DNTTIP1: variants seen among roughly 807,000 people sequenced by gnomAD.
DNTTIP1 encodes the protein deoxynucleotidyltransferase terminal-interacting protein 1.
DNTTIP1 carries 22 observed loss-of-function variants against 52.9 expected under a neutral mutation model. The ratio of observed to expected loss-of-function variants is 0.42; its 90% CI spans 0.30 to 0.59. The LOEUF is 0.59. Ranked by LOEUF, DNTTIP1 falls within the 20% of genes least tolerant of loss-of-function variation. The probability of loss-of-function intolerance (pLI) is 0.22; values close to 1 mark genes in which losing one functional copy is unlikely to be tolerated. For missense variants in DNTTIP1, 286 were observed against 435.5 expected, an observed-to-expected ratio of 0.66 and a Z score of 3.06; for synonymous variants, 136 against 155.1, an observed-to-expected ratio of 0.88 and a Z score of 0.92.
At chr20:45,796,127 G>A (rs983478312) in intron 4 of DNTTIP1, among the ~76,000 whole-genome samples, 2 of 152,062 alleles carry the variant, frequency 1.3e-5, no homozygotes, top group African/African-American at 4.8e-5. Context: ...GTTATAAGAT[G>A]AACAAGTTCT....
intron 4 of DNTTIP1, among the ~76,000 whole-genome samples, chr20:45,799,719 C>A (rs1981360406): frequency 6.6e-6 from 1 of 151,970 alleles, no homozygotes; most frequent in South Asian, 2.1e-4. Flanking sequence ...TGCTTATTAT[C>A]CAGATCACCC....
intron 10 of DNTTIP1, among the ~76,000 whole-genome samples, chr20:45,807,035 C>CT (rs143446762): frequency 0.044 from 6,720 of 151,224 alleles, 150 homozygotes; most frequent in Middle Eastern, 0.099. Context: ...TTTCTTTTTT[C>CT]TTTTTTTTTA....
At position 45,803,987 on chromosome 20, in the gene DNTTIP1, A is replaced by T. The variant is rs1408285546; in HGVS notation, c.603+609A>T. On this transcript the variant is annotated intron_variant, in intron 8 of 12. Transcript: ENST00000372622. ...ACTTATATAAATGGTTGTTCCCCAG[A>T]ATTCTCTCCTTGGCCCACTTCTCCA... Among the ~76,000 whole-genome samples, 4 of 152,070 alleles carry T rather than the reference A, an allele frequency of 2.6e-5. No homozygotes were observed. In the East Asian group the frequency reaches 5.8e-4, roughly 22 times the overall value.
intron 3 of DNTTIP1, among the ~76,000 whole-genome samples, chr20:45,795,074 A>C (rs552416274): frequency 6.6e-6 from 1 of 151,598 alleles, no homozygotes; most frequent in African/African-American, 2.4e-5. Context: ...CTGGGATTAC[A>C]GGTGTGAGCC....
chr20:45,804,218 C>T (rs1255351391), intron 8 of DNTTIP1, among the ~76,000 whole-genome samples: 1 of 152,186 alleles, frequency 6.6e-6, no homozygotes, highest in Non-Finnish European at 1.5e-5. Flanking sequence ...TAGAATCTTT[C>T]CTCACAGCCC....
In DNTTIP1 at chr20:45,800,400, G is replaced by A. The variant is rs536452132; in HGVS notation, c.373-674G>A. On this transcript the variant is annotated intron_variant, in intron 4 of 12. Coordinates refer to ENST00000372622, the MANE Select transcript of DNTTIP1 (RefSeq NM_052951.3). ...AATATATATATGTGTGTGGCTGGGC[G>A]TGGTGGCTCATGCCTGTAATCGCAG... 5.3e-4 allele frequency among the ~76,000 whole-genome samples: 80 copies of A among 151,796 alleles called. 1 individual carries two copies. In the South Asian group the frequency reaches 0.015, roughly 29 times the overall value.
In DNTTIP1 at chr20:45,804,945, G is replaced by T. The variant is rs1981584475; in HGVS notation, c.604-201G>T. On this transcript the variant is annotated intron_variant, in intron 8 of 12. Coordinates refer to ENST00000372622, the MANE Select transcript of DNTTIP1 (RefSeq NM_052951.3). The stretch of plus-strand genomic sequence containing the variant: ...TGTTGGTGGCATCCTAGAAAACAGA[G>T]ACTGTATCTTATTCATCTCTTTATC... Among the ~76,000 whole-genome samples the T allele has an allele frequency of 2.6e-5, 4 of 152,192 alleles. No individual in the cohort carries two copies. In the South Asian group the frequency reaches 8.3e-4, roughly 32 times the overall value.
At position 45,792,759 on chromosome 20, in the gene DNTTIP1, C is replaced by T. The variant is rs1217853643; in HGVS notation, c.176+12C>T. On this transcript the variant is annotated intron_variant, in intron 2 of 12. Transcript: ENST00000372622. ...CAGATGACAACAAGGTAAGGCTGGC[C>T]CTGCATGGGGCTTATATCCCAGCCA... 6.2e-7 allele frequency: 1 copy of T among 1,606,598 alleles called. No individual in the cohort carries two copies. The highest frequency in any genetic ancestry group is 8.5e-7 in the Non-Finnish European group (1 of 1,176,992).
intron 4 of DNTTIP1, among the ~76,000 whole-genome samples, chr20:45,799,992 C>T (rs372982316): frequency 3.3e-5 from 5 of 150,120 alleles, no homozygotes; most frequent in Non-Finnish European, 7.4e-5. Context: ...TGTGGTTGCA[C>T]GCCTGTAATC....
In DNTTIP1 at chr20:45,801,426, T is replaced by C. The variant is rs932281976; in HGVS notation, c.466T>C (p.Cys156Arg). 1 of 1,614,206 alleles carries C rather than the reference T, an allele frequency of 6.2e-7. No individual in the cohort carries two copies. Among genetic ancestry groups the C allele is most frequent in the East Asian group, 2.2e-5 (1 of 44,882 alleles). The stretch of plus-strand genomic sequence containing the variant: ...GCGTGGCCGTCAGGCAGAAGAAGAA[T>C]GTGCCCATCGAGGAAGCCCCCTTCC... Reference protein sequence around the residue: ...IKRGRQAEEECAHRGSPLPKK... With the variant: ...IKRGRQAEEERAHRGSPLPKK... The change falls in exon 6 of 13, where the codon TGT (cysteine) becomes CGT (arginine). Residue 156 changes from cysteine to arginine, a missense_variant. Coordinates refer to ENST00000372622, the MANE Select transcript of DNTTIP1 (RefSeq NM_052951.3).
In DNTTIP1 at chr20:45,800,693, AAATATATATATATAT is replaced by A. The variant is rs1442137460; in HGVS notation, c.373-379_373-365del. Among the ~76,000 whole-genome samples, 19 of 30,544 alleles carry A rather than the reference AAATATATATATATAT, an allele frequency of 6.2e-4. 2 individuals are homozygous for A. The highest frequency in any genetic ancestry group is 9.9e-4 in the Admixed American group (3 of 3,028). 20.0% of individuals were successfully genotyped at this position (30,544 alleles called of 152,430 possible). A position where few individuals can be genotyped will look rare whatever the true frequency, so the allele number is the denominator to read the frequency against. ...CCATCTCAATTTAAAAAAAAAAAAA[AAATATATATATATAT>A]ATATATATATATATATATATATATA... On this transcript the variant is annotated intron_variant, in intron 4 of 12. Transcript: ENST00000372622.
chr20:45,805,501 C>A, intron 10 of DNTTIP1, 135 bp downstream of exon 10: 2 of 948,592 alleles, frequency 2.1e-6, no homozygotes, highest in Non-Finnish European at 1.5e-6. Context: ...CTCTGCCATT[C>A]ACCTTTCCCT....
intron 4 of DNTTIP1, 150 bp from the exon 5 acceptor site, chr20:45,800,923 GA>G (rs1981445351): frequency 3.0e-6 from 2 of 657,884 alleles, no homozygotes; most frequent in Non-Finnish European, 5.4e-6. Context: ...GAACCCAGGA[GA>G]TGGAGGTTGC....
At chr20:45,803,219 A>C (rs1024151505) in intron 7 of DNTTIP1, 114 bp from the exon 8 acceptor site, 3 of 994,550 alleles carry the variant, frequency 3.0e-6, no homozygotes, top group Non-Finnish European at 4.6e-6. Flanking sequence ...ACGAAGGAGG[A>C]TGTCCAGGGC....
chr20:45,807,923 A>T (rs1019789278), intron 10 of DNTTIP1, among the ~76,000 whole-genome samples: 1 of 151,326 alleles, frequency 6.6e-6, no homozygotes, highest in Admixed American at 6.6e-5. Context: ...CTGCACTCCA[A>T]CCTGGGCGAC....
chr20:45,807,305 A>G (rs1452759085), intron 10 of DNTTIP1, among the ~76,000 whole-genome samples: 3 of 152,016 alleles, frequency 2.0e-5, no homozygotes, highest in Non-Finnish European at 4.4e-5. Context: ...TATTTTTAGT[A>G]GAGATGGGGT....
At chr20:45,807,738 G>C (rs1241649730) in intron 10 of DNTTIP1, among the ~76,000 whole-genome samples, 1 of 152,040 alleles carries the variant, frequency 6.6e-6, no homozygotes, top group Non-Finnish European at 1.5e-5. Context: ...CCTGAGGTCA[G>C]GAGTTCAAGG....
Position 45,810,783 on chromosome 20 carries a change from A to G in DNTTIP1, c.796-102A>G, listed in dbSNP as rs529602308. On this transcript the variant is annotated intron_variant, in intron 11 of 12. Coordinates refer to ENST00000372622, the MANE Select transcript of DNTTIP1 (RefSeq NM_052951.3). ...ATTGTAAACCGCATCCCCCGCTTCC[A>G]CCTAGTAGCAGGCCTTACATTAAAC... 2.1e-5 allele frequency: 23 copies of G among 1,081,214 alleles called. No homozygotes were observed. The Middle Eastern group carries it at 6.7e-4, about 31-fold the overall frequency. 67.0% of individuals were successfully genotyped at this position (1,081,214 alleles called of 1,614,324 possible).
intron 10 of DNTTIP1, among the ~76,000 whole-genome samples, chr20:45,808,007 A>T (rs2145706074): frequency 6.6e-6 from 1 of 151,964 alleles, no homozygotes; most frequent in African/African-American, 2.4e-5. Flanking sequence ...TAAGGTGCTT[A>T]AATTCTGGTT....
Sources: gnomAD v4.1 joint callset for allele counts (sites outside exome capture counted in the v4.1 genomes callset) on GRCh38, gnomAD v4.1.1 for gene constraint, MANE v1.5 for transcripts, NCBI Gene and HGNC (gene_info 2026-07-23, HGNC 2026-07-21) for gene names.